The following CAP1 variants were observed in gnomAD, a reference collection of about 807,000 sequenced individuals.
CAP1 encodes the protein adenylyl cyclase-associated protein 1.
CAP1 carries 11 observed loss-of-function variants against 58.2 expected under a neutral mutation model. That is an observed-to-expected ratio of 0.19 (90% CI 0.12 to 0.31). CAP1 has a LOEUF of 0.31. Among genes scored for constraint, CAP1 ranks in the 10% least tolerant of loss-of-function variants. The probability of loss-of-function intolerance (pLI) is 1.00; values close to 1 mark genes in which losing one functional copy is unlikely to be tolerated. For missense variants in CAP1, 423 were observed against 587.5 expected (o/e 0.72, Z 2.89); for synonymous variants, 183 against 213.8 (o/e 0.86, Z 1.26).
rs373360623 is a variant in CAP1, at chr1:40,066,295, C to T, written c.605C>T (p.Thr202Ile). Residue 202 changes from threonine (T) to isoleucine (I), a missense_variant, in exon 7 of 13, where the codon ACC (threonine) becomes ATC (isoleucine). By Grantham distance (89) the Thr-to-Ile change is moderately conservative. Coordinates refer to ENST00000372805, the MANE Select transcript of CAP1 (RefSeq NM_006367.4). ...CAGGCTTACATTAAGGAGTTCCATA[C>T]CACCGGACTGGCCTGGAGCAAAACG... The part of the protein sequence containing the change: ...ELQAYIKEFH[T>I]TGLAWSKTGP... 1 of 1,606,932 alleles carries T rather than the reference C, an allele frequency of 6.2e-7. No homozygotes were observed. Among genetic ancestry groups the T allele is most frequent in the Non-Finnish European group, 8.5e-7 (1 of 1,173,622 alleles).
chr1:40,068,339 C>T (rs1295640469), intron 8 of CAP1, among the ~76,000 whole-genome samples: 1 of 152,022 alleles, frequency 6.6e-6, no homozygotes, highest in Non-Finnish European at 1.5e-5. Context: ...GGCGCGATCT[C>T]GGCTCACCGC....
In CAP1 at chr1:40,067,604, C is replaced by T. The variant is rs1217609495; in HGVS notation, c.695C>T (p.Pro232Leu). The T allele has an allele frequency of 6.3e-7, 1 of 1,599,012 alleles. No homozygotes were observed. Among genetic ancestry groups the T allele is most frequent in the African/African-American group, 1.4e-5 (1 of 74,046 alleles). Residue 232 changes from proline to leucine, a missense_variant, in exon 8 of 13, where the codon CCC (proline) becomes CTC (leucine). Transcript: ENST00000372805. ...CCCTCTGCCGGATCATGTCCTCCTC[C>T]CCCTCCACCATGCCCCCCTCCTCCC... Reference protein sequence around the residue: ...SGPSAGSCPPPPPPCPPPPPV... With the variant: ...SGPSAGSCPPLPPPCPPPPPV...
intron 1 of CAP1, among the ~76,000 whole-genome samples, chr1:40,046,923 C>T (rs941377323): frequency 6.6e-6 from 1 of 152,028 alleles, no homozygotes; most frequent in Non-Finnish European, 1.5e-5. Context: ...CAGGTGCGCA[C>T]CACCACGCCC....
intron 1 of CAP1, among the ~76,000 whole-genome samples, chr1:40,051,558 T>C (rs1208908965): frequency 6.6e-6 from 1 of 152,074 alleles, no homozygotes; most frequent in Non-Finnish European, 1.5e-5. Context: ...GTTTTTTGTT[T>C]GTTTGGGGTT....
chr1:40,056,876 A>G (rs1646639922), intron 1 of CAP1, among the ~76,000 whole-genome samples: 1 of 150,988 alleles, frequency 6.6e-6, no homozygotes, highest in Admixed American at 6.7e-5. Context: ...TTTCCATAAC[A>G]TCTCAAATCT....
At chr1:40,056,971 T>G (rs1646644770) in intron 1 of CAP1, among the ~76,000 whole-genome samples, 1 of 152,106 alleles carries the variant, frequency 6.6e-6, no homozygotes, top group Non-Finnish European at 1.5e-5. Flanking sequence ...CTATAAATGG[T>G]AGCTGTATTG....
Position 40,070,692 on chromosome 1 carries a change from C to G in CAP1, c.1201-144C>G, listed in dbSNP as rs117489974. ...AGCAAGTTCTTTTCAGGACCCATCC[C>G]AACCCACCCGAGTATCCAGTGTCTT... is the stretch of plus-strand genomic sequence containing the variant. On this transcript the variant is annotated intron_variant, in intron 11 of 12. Transcript: ENST00000372805. 818 of 905,470 alleles carry G rather than the reference C, an allele frequency of 9.0e-4. 11 individuals are homozygous for G. The East Asian group carries it at 0.017, about 19-fold the overall frequency. 56.1% of individuals were successfully genotyped at this position (905,470 alleles called of 1,614,324 possible).
At chr1:40,054,871 G>C (rs1000913029) in intron 1 of CAP1, among the ~76,000 whole-genome samples, 4 of 152,074 alleles carry the variant, frequency 2.6e-5, no homozygotes, top group Admixed American at 1.3e-4. Context: ...TGGCCAGGCT[G>C]ATCTCAAACT....
chr1:40,067,854 A>T, intron 8 of CAP1, 137 bp downstream of exon 8: 1 of 587,532 alleles, frequency 1.7e-6, no homozygotes, highest in Non-Finnish European at 2.9e-6. Context: ...CCTTTAAGGG[A>T]CGGCAAAGCT....
intron 1 of CAP1, among the ~76,000 whole-genome samples, chr1:40,055,951 A>G (rs911895246): frequency 1.1e-4 from 16 of 152,194 alleles, no homozygotes; most frequent in Non-Finnish European, 2.1e-4. Flanking sequence ...GGACTGTGCC[A>G]AGCACTTCTA....
At position 40,067,632 on chromosome 1, in the gene CAP1, A is replaced by T. The variant is rs753875051; in HGVS notation, c.723A>T (p.Pro241=). 4.0e-5 allele frequency: 62 copies of T among 1,541,198 alleles called. 1 individual carries two copies. The Admixed American group carries it at 1.1e-3, about 28-fold the overall frequency. The change falls in exon 8 of 13, where the codon CCA becomes CCT. Residue 241 remains proline, a synonymous_variant. Coordinates refer to ENST00000372805, the MANE Select transcript of CAP1 (RefSeq NM_006367.4). ...CTCCACCATGCCCCCCTCCTCCCCC[A>T]GTCTCTACCATTTCATGCTCATATG... The part of the protein sequence containing the change: ...PPPPPCPPPP[P]VSTISCSYES...
chr1:40,062,996 T>TA (rs1350059950), intron 4 of CAP1, among the ~76,000 whole-genome samples: 21 of 151,712 alleles, frequency 1.4e-4, no homozygotes, highest in African/African-American at 4.6e-4. Flanking sequence ...TATTTATGTT[T>TA]AAAAAAAAAT....
chr1:40,069,684 T>C lies in CAP1; in HGVS notation c.809-6T>C. The C allele has an allele frequency of 1.9e-6, 3 of 1,611,936 alleles. No individual in the cohort carries two copies. The highest frequency in any genetic ancestry group is 2.5e-6 in the Non-Finnish European group (3 of 1,178,902). On this transcript the variant is annotated splice_region_variant and splice_polypyrimidine_tract_variant and intron_variant, in intron 8 of 12. Transcript: ENST00000372805. ...GACAGGAACAAGGTAGCTGTTGTTC[T>C]TACAGCCCTGAAACATGTATCTGAT...
At chr1:40,062,789 G>GTGTGTGTC (rs1465333677) in intron 4 of CAP1, among the ~76,000 whole-genome samples, 24 of 151,374 alleles carry the variant, frequency 1.6e-4, no homozygotes, top group African/African-American at 5.8e-4. Context: ...GTGTGTGTGT[G>GTGTGTGTC]TGTGTGTGTA....
In CAP1 at chr1:40,064,575, T is replaced by C; in HGVS notation, c.524+16T>C. The C allele has an allele frequency of 6.3e-7, 1 of 1,594,814 alleles. No homozygotes were observed. The highest frequency in any genetic ancestry group is 8.6e-7 in the Non-Finnish European group (1 of 1,163,816). ...ACAAAGATGTGTAAGTTCAGCCTTT[T>C]CTCTCTTTTTTTCTTTTCTGAGACA... On this transcript the variant is annotated intron_variant, in intron 6 of 12. Coordinates refer to ENST00000372805, the MANE Select transcript of CAP1 (RefSeq NM_006367.4).
intron 6 of CAP1, among the ~76,000 whole-genome samples, chr1:40,065,337 C>A (rs1404546877): frequency 6.6e-6 from 1 of 152,190 alleles, no homozygotes; most frequent in Non-Finnish European, 1.5e-5. Context: ...CTGACTTCTC[C>A]ATTGCTGGTT....
At position 40,063,005 on chromosome 1, in the gene CAP1, A is replaced by AT. The variant is rs1013379757; in HGVS notation, c.294+1203dup. On this transcript the variant is annotated intron_variant, in intron 4 of 12. Coordinates refer to ENST00000372805, the MANE Select transcript of CAP1 (RefSeq NM_006367.4). Reference sequence around the variant, plus strand: ...TTATTTTATTTATGTTTAAAAAAAAATTTTTTTTTTGAGACAGGGTGTTGT... The same window carrying AT: ...TTATTTTATTTATGTTTAAAAAAAAATTTTTTTTTTTGAGACAGGGTGTTGT... Among the ~76,000 whole-genome samples the AT allele has an allele frequency of 5.2e-4, 78 of 149,834 alleles. 1 individual carries two copies. The highest frequency in any genetic ancestry group is 1.2e-3 in the African/African-American group (50 of 40,734).
intron 1 of CAP1, among the ~76,000 whole-genome samples, chr1:40,045,559 G>GT (rs1332586833): frequency 2.0e-5 from 3 of 151,712 alleles, no homozygotes; most frequent in East Asian, 3.9e-4. Flanking sequence ...TCTTTCTTTT[G>GT]TTTTTTGTTT....
intron 5 of CAP1, 28 bp downstream of exon 5, chr1:40,064,398 G>A: frequency 1.2e-6 from 2 of 1,613,994 alleles, no homozygotes; most frequent in South Asian, 1.1e-5. Context: ...CAGGGCTGGG[G>A]GTGGGTATAG....
Sources: allele counts gnomAD v4.1 joint callset (sites outside exome capture counted in the v4.1 genomes callset), GRCh38; gene constraint gnomAD v4.1.1; transcripts MANE v1.5; gene names NCBI Gene and HGNC (gene_info 2026-07-23, HGNC 2026-07-21).